The following ASXL1 variants were observed in gnomAD, a reference collection of about 807,000 sequenced individuals.
The protein encoded by ASXL1 is ASXL transcriptional regulator 1, also known as polycomb group protein ASXL1.
Under a neutral mutation model 89.1 loss-of-function variants are expected in ASXL1, and 65 were observed. That is an observed-to-expected ratio of 0.73 (90% CI 0.60 to 0.90). ASXL1 has a LOEUF of 0.90. Ranked by LOEUF, ASXL1 falls within the 40% of genes least tolerant of loss-of-function variation. The probability of loss-of-function intolerance (pLI) is 0.00; values close to 1 mark genes in which losing one functional copy is unlikely to be tolerated. For synonymous variants in ASXL1, 739 were observed against 746.9 expected (o/e 0.99, Z 0.17); for missense variants, 1,786 against 1,942.9 (o/e 0.92, Z 1.52).
In ASXL1 at chr20:32,358,528, C is replaced by T. The variant is rs2122752642; in HGVS notation, c.-248C>T. On this transcript the variant is annotated 5_prime_UTR_variant, in exon 1 of 13. Transcript: ENST00000375687. ...TCCTTAGCGATCGCGGGGCAGCCGC[C>T]GCTGCCGCCGTGGGCGACTGACGCA... 1 of 222,040 alleles carries T rather than the reference C, an allele frequency of 4.5e-6. No homozygotes were observed. 13.8% of individuals were successfully genotyped at this position (222,040 alleles called of 1,614,324 possible).
chr20:32,372,333 T>C (rs2048312409), intron 4 of ASXL1: 3 of 1,183,470 alleles, frequency 2.5e-6, no homozygotes, highest in Non-Finnish European at 3.2e-6. Flanking sequence ...GCCTTTGGCT[T>C]TATGTTGCTT....
intron 8 of ASXL1, chr20:32,430,318 C>T: frequency 2.2e-6 from 1 of 448,094 alleles, no homozygotes; most frequent in Non-Finnish European, 3.9e-6. Flanking sequence ...CCTTGTACTG[C>T]ATAGTAAGTG....
intron 4 of ASXL1, among the ~76,000 whole-genome samples, chr20:32,387,529 T>A (rs1004886537): frequency 1.2e-4 from 18 of 152,212 alleles, no homozygotes; most frequent in African/African-American, 4.3e-4. Flanking sequence ...GATGCATGGT[T>A]CTGAAGTAGA....
intron 1 of ASXL1, among the ~76,000 whole-genome samples, chr20:32,364,121 C>T (rs987266189): frequency 1.3e-5 from 2 of 152,206 alleles, no homozygotes; most frequent in African/African-American, 4.8e-5. Flanking sequence ...ACTCTAGATC[C>T]TGTTCTTTAC....
intron 4 of ASXL1, among the ~76,000 whole-genome samples, chr20:32,404,378 A>G (rs902998796): frequency 1.3e-5 from 2 of 152,192 alleles, no homozygotes; most frequent in South Asian, 4.1e-4. Context: ...TGTTAGATAT[A>G]TACCTAGTTT....
intron 4 of ASXL1, among the ~76,000 whole-genome samples, chr20:32,369,511 C>T (rs2048262550): frequency 6.6e-6 from 1 of 151,884 alleles, no homozygotes; most frequent in South Asian, 2.1e-4. Flanking sequence ...CTCGGCCTCC[C>T]AAAGTGCTGG....
chr20:32,399,716 T>C (rs2048835862), intron 4 of ASXL1, among the ~76,000 whole-genome samples: 1 of 150,542 alleles, frequency 6.6e-6, no homozygotes, highest in African/African-American at 2.4e-5. Flanking sequence ...TAGTCACATT[T>C]AGCATTTTTA....
chr20:32,358,868 C>A, intron 1 of ASXL1, 36 bp downstream of exon 1: 1 of 696,996 alleles, frequency 1.4e-6, no homozygotes. Context: ...CCGTGGGGCC[C>A]GGGGTGGGGG....
chr20:32,361,507 G>A (rs1342598333), intron 1 of ASXL1, among the ~76,000 whole-genome samples: 1 of 151,292 alleles, frequency 6.6e-6, no homozygotes, highest in Admixed American at 6.6e-5. Flanking sequence ...GTGTGGTGGT[G>A]CACGCCTGTA....
At position 32,358,910 on chromosome 20, in the gene ASXL1, G is replaced by T. The variant is rs930461650; in HGVS notation, c.57+78G>T. ...GCCGCGCACCCCCCCACTGGGGGGGGAGGGGCAAGGCCCTGCCCACCGCGG... is the reference window on the plus strand; with the variant it reads ...GCCGCGCACCCCCCCACTGGGGGGGTAGGGGCAAGGCCCTGCCCACCGCGG... On this transcript the variant is annotated intron_variant, in intron 1 of 12. Transcript: ENST00000375687. 2.9e-6 allele frequency: 4 copies of T among 1,364,522 alleles called. No individual in the cohort carries two copies. In the African/African-American group the frequency reaches 4.6e-5, roughly 16 times the overall value. The allele number at this position is 1,364,522 out of a possible 1,614,324, so 84.5% of individuals were successfully genotyped here.
chr20:32,370,064 G>T (rs1016006771), intron 4 of ASXL1, among the ~76,000 whole-genome samples: 6 of 152,052 alleles, frequency 3.9e-5, no homozygotes, highest in Non-Finnish European at 8.8e-5. Context: ...TGATGTGAAG[G>T]ATAAATTACT....
chr20:32,414,876 T>C (rs916077225), intron 4 of ASXL1, among the ~76,000 whole-genome samples: 6 of 152,180 alleles, frequency 3.9e-5, no homozygotes, highest in Admixed American at 2.0e-4. Context: ...TCTCTTGCCA[T>C]CTACATGACA....
chr20:32,376,867 T>TATATTATATATTATATAAATATC (rs1569253078), intron 4 of ASXL1, among the ~76,000 whole-genome samples: 2 of 140,668 alleles, frequency 1.4e-5, no homozygotes, highest in Non-Finnish European at 3.0e-5. Flanking sequence ...TATATAATTA[T>TATATTATATATTATATAAATATC]ATGTTATATA....
chr20:32,374,590 C>T (rs867803872), intron 4 of ASXL1, among the ~76,000 whole-genome samples: 4 of 152,106 alleles, frequency 2.6e-5, no homozygotes, highest in Admixed American at 6.6e-5. Context: ...CCACGGTGCC[C>T]GGCCCCTTAT....
intron 4 of ASXL1, among the ~76,000 whole-genome samples, chr20:32,391,298 G>A (rs1015663300): frequency 5.3e-5 from 8 of 152,088 alleles, no homozygotes; most frequent in African/African-American, 1.9e-4. Context: ...CCTCCTTTTG[G>A]CTGCTGTGAG....
intron 4 of ASXL1, among the ~76,000 whole-genome samples, chr20:32,415,782 T>C (rs1442688591): frequency 1.3e-5 from 2 of 152,244 alleles, no homozygotes; most frequent in East Asian, 3.8e-4. Context: ...CCCTTACTCT[T>C]TGTCTTTATG....
Position 32,431,380 on chromosome 20 carries a change from G to A in ASXL1, c.778G>A (p.Val260Ile). 6.2e-7 allele frequency: 1 copy of A among 1,614,188 alleles called. No individual in the cohort carries two copies. Among genetic ancestry groups the A allele is most frequent in the Non-Finnish European group, 8.5e-7 (1 of 1,180,026 alleles). The change falls in exon 9 of 13, where the codon GTC becomes ATC. Residue 260 changes from valine to isoleucine, a missense_variant. This residue lies in a region of ASXL1 where 332 missense variants were observed against 449.7 expected (regional missense o/e 0.74). Transcript: ENST00000375687. ...IDFETPGSIL[V>I]NTNLRALINS... The stretch of plus-strand genomic sequence containing the variant: ...TTTTGAGACACCTGGGTCCATTCTT[G>A]TCAACACCAACCTCCGTGCCCTGAT...
Position 32,435,912 on chromosome 20 carries a change from C to T in ASXL1, c.3200C>T (p.Ser1067Phe), listed in dbSNP as rs759039831. Residue 1067 changes from serine (S) to phenylalanine (F), a missense_variant, in exon 13 of 13, where the codon TCT becomes TTT. By Grantham distance (155) the Ser-to-Phe change is radical (BLOSUM62 -2). Around this residue, in one of 3 missense-constraint regions of ASXL1, gnomAD observed 1,418 missense variants for 1,427.8 expected, o/e 0.99. Transcript: ENST00000375687. The part of the protein sequence containing the change: ...DGMVAPQSWV[S>F]RVCAVRQKIP... ...ATGGTTGCTCCTCAGAGCTGGGTGT[C>T]TCGAGTATGTGCGGTCCGCCAAAAG... is the stretch of plus-strand genomic sequence containing the variant. The T allele has an allele frequency of 1.2e-6, 2 of 1,614,214 alleles. No homozygotes were observed. The highest frequency in any genetic ancestry group is 3.3e-5 in the Admixed American group (2 of 60,028).
chr20:32,401,376 C>G (rs1450188560), intron 4 of ASXL1, among the ~76,000 whole-genome samples: 1 of 152,264 alleles, frequency 6.6e-6, no homozygotes, highest in East Asian at 1.9e-4. Context: ...TTAATCCTGG[C>G]AGCTACCAGT....
Sources: gnomAD v4.1 joint callset for allele counts (sites outside exome capture counted in the v4.1 genomes callset) on GRCh38, gnomAD v4.1.1 for gene constraint, gnomAD v4.1.1 regional missense constraint, MANE v1.5 for transcripts, NCBI Gene and HGNC (gene_info 2026-07-23, HGNC 2026-07-21) for gene names.